Variants in NDST3 observed in about 807,000 individuals in gnomAD.
NDST3 encodes N-deacetylase and N-sulfotransferase 3.
A neutral mutation model predicts 96.1 loss-of-function variants in NDST3; 58 were observed. That is an observed-to-expected ratio of 0.60 (90% confidence interval 0.49 to 0.75). NDST3 has a LOEUF of 0.75. NDST3 is among the 30% of genes least tolerant of loss of function. The probability of loss-of-function intolerance (pLI) is 0.00; values close to 1 mark genes in which losing one functional copy is unlikely to be tolerated. For synonymous variants in NDST3, 333 were observed against 359.7 expected, an observed-to-expected ratio of 0.93 and a Z score of 0.84; for missense variants, 788 against 1,034.2, an observed-to-expected ratio of 0.76 and a Z score of 3.27.
intron 6 of NDST3, among the ~76,000 whole-genome samples, chr4:118,202,201 T>G (rs1337818876): frequency 6.6e-6 from 1 of 152,152 alleles, no homozygotes; most frequent in Non-Finnish European, 1.5e-5. Context: ...ATAGTAGTAG[T>G]GTAGTAGTAG....
intron 6 of NDST3, among the ~76,000 whole-genome samples, chr4:118,199,086 A>G (rs1048057830): frequency 3.3e-5 from 5 of 152,024 alleles, no homozygotes; most frequent in African/African-American, 4.8e-5. Context: ...TTGGATACTG[A>G]TATCTTTCTC....
chr4:118,167,965 A>G (rs2125933398), intron 6 of NDST3, among the ~76,000 whole-genome samples: 1 of 152,240 alleles, frequency 6.6e-6, no homozygotes, highest in South Asian at 2.1e-4. Context: ...ATTCCAATAA[A>G]AACATAAAGG....
intron 4 of NDST3, among the ~76,000 whole-genome samples, chr4:118,115,559 C>T (rs1172643832): frequency 1.3e-5 from 2 of 152,144 alleles, no homozygotes; most frequent in Admixed American, 6.5e-5. Flanking sequence ...GCATTGCAAA[C>T]ATATATGCTG....
intron 6 of NDST3, among the ~76,000 whole-genome samples, chr4:118,151,840 C>G (rs1161748419): frequency 1.3e-5 from 2 of 152,066 alleles, no homozygotes; most frequent in African/African-American, 4.8e-5. Context: ...GTGTAGGGGT[C>G]ACCTTCCTCA....
chr4:118,253,871 A>T (rs759136118), intron 13 of NDST3, among the ~76,000 whole-genome samples: 1 of 152,218 alleles, frequency 6.6e-6, no homozygotes, highest in Non-Finnish European at 1.5e-5. Flanking sequence ...TGATACCTGC[A>T]CAAAAATTTT....
At chr4:118,170,454 A>G (rs1310709071) in intron 6 of NDST3, among the ~76,000 whole-genome samples, 1 of 152,234 alleles carries the variant, frequency 6.6e-6, no homozygotes, top group Non-Finnish European at 1.5e-5. Context: ...CACGCCTGTA[A>G]TCCCAGCACT....
intron 8 of NDST3, among the ~76,000 whole-genome samples, chr4:118,232,044 A>AT (rs915526723): frequency 1.1e-4 from 16 of 151,152 alleles, no homozygotes; most frequent in East Asian, 3.9e-4. Context: ...AAAGGGCACC[A>AT]TTTTTTTTTC....
chr4:118,109,714 G>C (rs150703310), intron 3 of NDST3, among the ~76,000 whole-genome samples: 3 of 152,276 alleles, frequency 2.0e-5, no homozygotes, highest in African/African-American at 7.2e-5. Flanking sequence ...TCAAAAATTA[G>C]ATGGGATAAA....
At chr4:118,116,246 T>G (rs1245114145) in intron 4 of NDST3, among the ~76,000 whole-genome samples, 2 of 152,214 alleles carry the variant, frequency 1.3e-5, no homozygotes, top group Admixed American at 1.3e-4. Context: ...AAAATTACTT[T>G]GTGGTTTACT....
chr4:118,178,213 T>C (rs1466993250), intron 6 of NDST3, among the ~76,000 whole-genome samples: 2 of 152,034 alleles, frequency 1.3e-5, no homozygotes, highest in Non-Finnish European at 2.9e-5. Flanking sequence ...TTTATCATCT[T>C]AATTATTTTT....
At chr4:118,099,412 T>C (rs1729596665) in intron 2 of NDST3, among the ~76,000 whole-genome samples, 1 of 152,088 alleles carries the variant, frequency 6.6e-6, no homozygotes. Context: ...GAAAACACAG[T>C]CCAGCCTTTG....
rs574076176 is a variant in NDST3, at chr4:118,068,108, TA to T, written c.981+13221del. Among the ~76,000 whole-genome samples, 37 of 150,930 alleles carry T rather than the reference TA, an allele frequency of 2.5e-4. 1 individual carries two copies. In the South Asian group the frequency reaches 6.5e-3, roughly 27 times the overall value. On this transcript the variant is annotated intron_variant, in intron 2 of 13. Coordinates refer to ENST00000296499, the MANE Select transcript of NDST3 (RefSeq NM_004784.3). ...CTAAGGAGCAAAGTTATTACTTAATTAAAACTAATCCTTCTGGTCACTTACA... is the reference window on the plus strand; with the variant it reads ...CTAAGGAGCAAAGTTATTACTTAATTAAACTAATCCTTCTGGTCACTTACA...
At chr4:118,190,396 G>A (rs1022923442) in intron 6 of NDST3, among the ~76,000 whole-genome samples, 6 of 152,228 alleles carry the variant, frequency 3.9e-5, no homozygotes, top group South Asian at 2.1e-4. Flanking sequence ...ACTTACAAAT[G>A]ATTCAGATAT....
intron 6 of NDST3, among the ~76,000 whole-genome samples, chr4:118,204,999 T>G (rs1738342282): frequency 6.9e-6 from 1 of 144,806 alleles, no homozygotes; most frequent in African/African-American, 2.5e-5. Context: ...TTAAAGTTGC[T>G]TTTTACTTCA....
chr4:118,250,241 T>C (rs1271454504), intron 12 of NDST3, among the ~76,000 whole-genome samples: 4 of 152,238 alleles, frequency 2.6e-5, no homozygotes, highest in Admixed American at 1.3e-4. Context: ...ATAGTAGTTA[T>C]GTATTTTAAT....
intron 6 of NDST3, among the ~76,000 whole-genome samples, chr4:118,147,507 A>G (rs796715449): frequency 5.2e-5 from 8 of 152,382 alleles, no homozygotes; most frequent in Admixed American, 2.0e-4. Flanking sequence ...AGATACTTAT[A>G]TAAAATAAAA....
At chr4:118,153,230 A>G (rs565458239) in intron 6 of NDST3, among the ~76,000 whole-genome samples, 2 of 152,278 alleles carry the variant, frequency 1.3e-5, no homozygotes, top group South Asian at 4.2e-4. Flanking sequence ...CTTAGATGGG[A>G]CCAGCTAATT....
At chr4:118,233,223 G>T (rs1055682330) in intron 9 of NDST3, 88 bp downstream of exon 9, 2 of 1,164,204 alleles carry the variant, frequency 1.7e-6, no homozygotes, top group East Asian at 2.7e-5. Context: ...ATCTAAGTTT[G>T]TAGTCACAAA....
At chr4:118,233,562 A>G (rs1321505755) in intron 9 of NDST3, among the ~76,000 whole-genome samples, 3 of 152,222 alleles carry the variant, frequency 2.0e-5, no homozygotes, top group Non-Finnish European at 1.5e-5. Flanking sequence ...AAATAAATAA[A>G]TAAAACTAGA....
Sources: allele counts gnomAD v4.1 joint callset (sites outside exome capture counted in the v4.1 genomes callset), GRCh38; gene constraint gnomAD v4.1.1; transcripts MANE v1.5; gene names NCBI Gene and HGNC (gene_info 2026-07-23, HGNC 2026-07-21).